The following TRPM3 variants were observed in gnomAD, a reference collection of about 807,000 sequenced individuals.
The protein encoded by TRPM3 is transient receptor potential cation channel subfamily M member 3, also known as long transient receptor potential channel 3.
A neutral mutation model predicts 181.2 loss-of-function variants in TRPM3; 77 were observed. The observed-to-expected ratio is 0.42, with a 90% CI of 0.35 to 0.51. The LOEUF (loss-of-function observed/expected upper bound fraction) is 0.51, where lower values mean the gene tolerates loss of function less well. Ranked by LOEUF, TRPM3 falls within the 20% of genes least tolerant of loss-of-function variation. TRPM3 has a pLI of 0.01. For synonymous variants in TRPM3, 745 were observed against 796.4 expected (o/e 0.94, Z 1.09); for missense variants, 1,759 against 2,196.7 (o/e 0.80, Z 3.98).
chr9:70,590,099 T>C (rs748146191), intron 22 of TRPM3, among the ~76,000 whole-genome samples: 25 of 152,222 alleles, frequency 1.6e-4, no homozygotes, highest in South Asian at 4.1e-4. Context: ...GTTGGAGGGA[T>C]GTTATTTCCA....
Position 71,377,173 on chromosome 9 carries a change from T to C in TRPM3, c.183+69480A>G, listed in dbSNP as rs190502295. Among the ~76,000 whole-genome samples the C allele has an allele frequency of 5.9e-3, 897 of 152,236 alleles. 8 individuals are homozygous for C. The highest frequency in any genetic ancestry group is 7.2e-3 in the Non-Finnish European group (488 of 67,982). ...ACCACGCAACACTGCTTCACGTAGATAGAATCATTTAAACATAATGGCCAT... is the reference window on the plus strand; with the variant it reads ...ACCACGCAACACTGCTTCACGTAGACAGAATCATTTAAACATAATGGCCAT... On this transcript the variant is annotated intron_variant, in intron 1 of 24. Coordinates refer to the TRPM3 transcript ENST00000357533.
intron 12 of TRPM3, among the ~76,000 whole-genome samples, chr9:70,634,809 T>C (rs1388835628): frequency 2.0e-5 from 3 of 152,212 alleles, no homozygotes; most frequent in Non-Finnish European, 4.4e-5. Flanking sequence ...ACACTCTATG[T>C]AATGCTAGAT....
chr9:70,831,962 A>AATATATATATATATATATAT (rs71367232), intron 5 of TRPM3, among the ~76,000 whole-genome samples: 13 of 64,232 alleles, frequency 2.0e-4, no homozygotes, highest in Admixed American at 5.3e-4. Flanking sequence ...GTACCCCATA[A>AATATATATATATATATATAT]ATATATATAT....
At chr9:71,150,238 G>T (rs1181907284) in intron 1 of TRPM3, among the ~76,000 whole-genome samples, 1 of 151,880 alleles carries the variant, frequency 6.6e-6, no homozygotes, top group African/African-American at 2.4e-5. Context: ...TGAGAAGGGG[G>T]AAATAACCTC....
At chr9:71,321,334 T>G (rs1419766836) in intron 1 of TRPM3, among the ~76,000 whole-genome samples, 2 of 152,194 alleles carry the variant, frequency 1.3e-5, no homozygotes, top group African/African-American at 2.4e-5. Flanking sequence ...CTTTGAAATT[T>G]TTATCCTCAT....
intron 1 of TRPM3, among the ~76,000 whole-genome samples, chr9:71,334,544 C>T (rs908157273): frequency 6.8e-6 from 1 of 147,718 alleles, no homozygotes; most frequent in African/African-American, 2.5e-5. Context: ...GTCTTACCCA[C>T]TCTCAACATT....
chr9:71,421,010 A>AAGG (rs1491179243), intron 1 of TRPM3, among the ~76,000 whole-genome samples: 12 of 122,520 alleles, frequency 9.8e-5, no homozygotes, highest in African/African-American at 3.1e-4. Context: ...AGAGAGAAAA[A>AAGG]GAGAGAAAAA....
intron 1 of TRPM3, among the ~76,000 whole-genome samples, chr9:71,051,522 T>C (rs1337555089): frequency 4.6e-5 from 7 of 151,980 alleles, no homozygotes; most frequent in Admixed American, 4.6e-4. Context: ...CCTCCACCCA[T>C]AGCATGCCAC....
At chr9:71,319,135 A>T (rs2132453457) in intron 1 of TRPM3, among the ~76,000 whole-genome samples, 1 of 152,250 alleles carries the variant, frequency 6.6e-6, no homozygotes, top group Non-Finnish European at 1.5e-5. Context: ...CAAATTGATG[A>T]GCTGAAATTC....
At chr9:70,608,560 G>A (rs1186902288) in intron 19 of TRPM3, among the ~76,000 whole-genome samples, 1 of 152,184 alleles carries the variant, frequency 6.6e-6, no homozygotes, top group Non-Finnish European at 1.5e-5. Flanking sequence ...CTCGGGCTGG[G>A]CGCAGTGGTT....
At chr9:70,817,292 C>T (rs2092777980) in intron 6 of TRPM3, among the ~76,000 whole-genome samples, 2 of 152,182 alleles carry the variant, frequency 1.3e-5, no homozygotes, top group Admixed American at 1.3e-4. Flanking sequence ...AAGGGCAGGG[C>T]CTCCCCTTGC....
chr9:71,301,211 G>A (rs1381891976), intron 1 of TRPM3, among the ~76,000 whole-genome samples: 28 of 152,114 alleles, frequency 1.8e-4, no homozygotes, highest in Admixed American at 1.8e-3. Context: ...ATTCATCTTT[G>A]TCTTCTGAGC....
At chr9:70,933,715 A>C (rs752361243) in intron 1 of TRPM3, among the ~76,000 whole-genome samples, 2 of 151,878 alleles carry the variant, frequency 1.3e-5, no homozygotes, top group Non-Finnish European at 2.9e-5. Context: ...TTTTTTTTTT[A>C]ATGCGTTTGT....
intron 1 of TRPM3, among the ~76,000 whole-genome samples, chr9:71,154,274 T>C (rs1446449528): frequency 6.6e-6 from 1 of 152,148 alleles, no homozygotes; most frequent in Non-Finnish European, 1.5e-5. Flanking sequence ...TTGTAAGCTC[T>C]ATAAGTACAA....
At chr9:71,380,764 C>G (rs989754028) in intron 1 of TRPM3, among the ~76,000 whole-genome samples, 2 of 151,980 alleles carry the variant, frequency 1.3e-5, no homozygotes, top group South Asian at 4.1e-4. Context: ...ATAAAGAAAA[C>G]GTATTTACTA....
At chr9:71,401,049 T>C (rs761532571) in intron 1 of TRPM3, among the ~76,000 whole-genome samples, 6 of 151,566 alleles carry the variant, frequency 4.0e-5, no homozygotes, top group East Asian at 3.9e-4. Flanking sequence ...AATACAAAAA[T>C]TGGCCAGGTG....
chr9:70,858,240 G>A (rs2095436366), intron 3 of TRPM3, among the ~76,000 whole-genome samples: 1 of 152,054 alleles, frequency 6.6e-6, no homozygotes, highest in African/African-American at 2.4e-5. Context: ...AGAGGCAGGG[G>A]ACCCAAGGCA....
intron 1 of TRPM3, among the ~76,000 whole-genome samples, chr9:71,263,129 GTTTT>G (rs374353824): frequency 1.3e-5 from 2 of 152,128 alleles, no homozygotes; most frequent in African/African-American, 2.4e-5. Flanking sequence ...TTATTTTTAA[GTTTT>G]TTGTCTTTTA....
chr9:71,017,269 G>A (rs2097792343), intron 1 of TRPM3, among the ~76,000 whole-genome samples: 1 of 151,712 alleles, frequency 6.6e-6, no homozygotes, highest in Admixed American at 6.6e-5. Context: ...AGAAAGGAGA[G>A]AAAAAAGGAA....
Sources: allele counts gnomAD v4.1 joint callset (sites outside exome capture counted in the v4.1 genomes callset), GRCh38; gene constraint gnomAD v4.1.1; transcripts MANE v1.5; gene names NCBI Gene and HGNC (gene_info 2026-07-23, HGNC 2026-07-21).